GLI3: variants seen among roughly 807,000 people sequenced by gnomAD.
GLI3 encodes GLI family zinc finger 3, also known as transcription activator GLI3.
A neutral mutation model predicts 100.8 loss-of-function variants in GLI3; 20 were observed. That is an observed-to-expected ratio of 0.20 (90% CI 0.14 to 0.29). The LOEUF is 0.29. GLI3 is among the 10% of genes least tolerant of loss of function. The probability of loss-of-function intolerance (pLI) is 1.00; values close to 1 mark genes in which losing one functional copy is unlikely to be tolerated. For synonymous variants in GLI3, 938 were observed against 860.5 expected (o/e 1.09, Z -1.58); for missense variants, 2,040 against 2,128.5 (o/e 0.96, Z 0.82).
chr7:42,053,557 T>G (rs1784394744), intron 4 of GLI3, among the ~76,000 whole-genome samples: 1 of 152,224 alleles, frequency 6.6e-6, no homozygotes, highest in Admixed American at 6.5e-5. Context: ...TTAAAAATCT[T>G]CATTTGAAGA....
chr7:42,142,238 T>C (rs1047587586), intron 3 of GLI3, among the ~76,000 whole-genome samples: 8 of 152,112 alleles, frequency 5.3e-5, no homozygotes, highest in African/African-American at 1.9e-4. Flanking sequence ...AGCAAGTAAC[T>C]GGTCCAGGAG....
intron 3 of GLI3, among the ~76,000 whole-genome samples, chr7:42,114,945 G>GA: frequency 6.6e-6 from 1 of 151,944 alleles, no homozygotes; most frequent in Non-Finnish European, 1.5e-5. Flanking sequence ...CAGGCAATGT[G>GA]CCTGCCTCAG....
chr7:42,121,372 C>T (rs918271332), intron 3 of GLI3, among the ~76,000 whole-genome samples: 1 of 152,154 alleles, frequency 6.6e-6, no homozygotes, highest in South Asian at 2.1e-4. Context: ...GTCCTGGGAC[C>T]ACATGTTGAT....
chr7:42,036,818 T>C (rs1411963324), intron 7 of GLI3, among the ~76,000 whole-genome samples: 1 of 152,138 alleles, frequency 6.6e-6, no homozygotes, highest in African/African-American at 2.4e-5. Context: ...GCTAACTTCA[T>C]CTTGCAAAGA....
At chr7:41,979,665 T>C (rs958941408) in intron 10 of GLI3, among the ~76,000 whole-genome samples, 1 of 152,206 alleles carries the variant, frequency 6.6e-6, no homozygotes, top group Non-Finnish European at 1.5e-5. Flanking sequence ...TGTCCAGCTA[T>C]GGACTACTGA....
chr7:42,216,517 C>G (rs1029233975), intron 2 of GLI3, among the ~76,000 whole-genome samples: 3 of 152,106 alleles, frequency 2.0e-5, no homozygotes, highest in Non-Finnish European at 4.4e-5. Flanking sequence ...AATATTGGTT[C>G]ATCAGTTGTA....
intron 1 of GLI3, among the ~76,000 whole-genome samples, chr7:42,247,891 A>G (rs985837774): frequency 6.6e-6 from 1 of 152,236 alleles, no homozygotes; most frequent in Admixed American, 6.5e-5. Flanking sequence ...GCAATGCAGA[A>G]TAAAATGAGC....
intron 8 of GLI3, 83 bp from the exon 9 acceptor site, chr7:42,025,460 G>A (rs961115089): frequency 1.8e-5 from 17 of 955,346 alleles, no homozygotes; most frequent in Admixed American, 1.0e-4. Flanking sequence ...TTGCCAACTC[G>A]GGACAAGCGG....
chr7:42,218,214 C>A (rs981859331), intron 2 of GLI3, among the ~76,000 whole-genome samples: 1 of 151,956 alleles, frequency 6.6e-6, no homozygotes, highest in Non-Finnish European at 1.5e-5. Context: ...AACAAGAAAC[C>A]GAAAACTCAC....
intron 10 of GLI3, among the ~76,000 whole-genome samples, chr7:41,993,612 T>C (rs1366532785): frequency 6.6e-6 from 1 of 152,220 alleles, no homozygotes; most frequent in Non-Finnish European, 1.5e-5. Context: ...TTTTGTTCAA[T>C]GATATGTTCC....
chr7:42,106,804 T>C (rs1204453793), intron 3 of GLI3, among the ~76,000 whole-genome samples: 2 of 152,112 alleles, frequency 1.3e-5, no homozygotes, highest in African/African-American at 4.8e-5. Context: ...GGGAATTGTT[T>C]GCTATTTTCC....
rs573933088 is a variant in GLI3, at chr7:42,062,196, C to A, written c.474-13500G>T. On this transcript the variant is annotated intron_variant, in intron 4 of 14. Coordinates refer to ENST00000395925, the MANE Select transcript of GLI3 (RefSeq NM_000168.6). ...TCCATTCTACTCACAAGGTTTAAGG[C>A]CCCATTTGTTCCTAAAATCCAGTGC... Among the ~76,000 whole-genome samples the A allele has an allele frequency of 3.3e-5, 5 of 152,242 alleles. No homozygotes were observed. In the South Asian group the frequency reaches 1.0e-3, roughly 32 times the overall value.
chr7:42,001,951 G>C (rs796109071), intron 10 of GLI3, among the ~76,000 whole-genome samples: 1 of 152,092 alleles, frequency 6.6e-6, no homozygotes, highest in African/African-American at 2.4e-5. Context: ...TAGAAATCAT[G>C]CATTTAATTA....
chr7:42,147,058 C>G (rs185657176), intron 3 of GLI3, among the ~76,000 whole-genome samples: 15 of 152,158 alleles, frequency 9.9e-5, no homozygotes, highest in Non-Finnish European at 2.2e-4. Context: ...AATGCTCTCT[C>G]CACTTAAAAA....
At chr7:42,097,069 CAG>C (rs1785356570) in intron 3 of GLI3, among the ~76,000 whole-genome samples, 1 of 152,098 alleles carries the variant, frequency 6.6e-6, no homozygotes, top group African/African-American at 2.4e-5. Context: ...AGTGGGAAAT[CAG>C]AGAGGCCAGG....
chr7:42,113,320 A>G (rs1425029919), intron 3 of GLI3: 1 of 620,704 alleles, frequency 1.6e-6, no homozygotes, highest in Non-Finnish European at 3.0e-6. Flanking sequence ...GCACACCACC[A>G]CATCCTGTGC....
intron 1 of GLI3, among the ~76,000 whole-genome samples, chr7:42,223,553 G>A (rs745755181): frequency 5.9e-5 from 9 of 152,130 alleles, no homozygotes; most frequent in East Asian, 1.9e-4. Context: ...CCTACTGAGC[G>A]TTTGGTATCA....
At chr7:42,218,959 T>C (rs577259387) in intron 2 of GLI3, among the ~76,000 whole-genome samples, 6 of 152,300 alleles carry the variant, frequency 3.9e-5, no homozygotes, top group Admixed American at 3.3e-4. Context: ...TATTTGCAAA[T>C]TGTTGAAAAA....
chr7:42,214,031 T>C (rs942940008), intron 2 of GLI3, among the ~76,000 whole-genome samples: 1 of 152,172 alleles, frequency 6.6e-6, no homozygotes, highest in Non-Finnish European at 1.5e-5. Flanking sequence ...TTATGGGAAA[T>C]AAAAGAAGCC....
Sources: allele counts gnomAD v4.1 joint callset (sites outside exome capture counted in the v4.1 genomes callset), GRCh38; gene constraint gnomAD v4.1.1; transcripts MANE v1.5; gene names NCBI Gene and HGNC (gene_info 2026-07-23, HGNC 2026-07-21).